ABTB3: variants seen among roughly 807,000 people sequenced by gnomAD.
ABTB3 encodes ankyrin repeat and BTB domain containing 3.
At chr12:107,403,961 G>A in the ABTB3 span, among the ~76,000 whole-genome samples, 2 of 151,942 alleles carry the variant, frequency 1.3e-5, no homozygotes, top group East Asian at 1.9e-4. Flanking sequence ...TCAGGAGTTC[G>A]AGACCAGCCT....
At chr12:107,525,942 A>G in the ABTB3 span, among the ~76,000 whole-genome samples, 2 of 152,188 alleles carry the variant, frequency 1.3e-5, no homozygotes, top group Admixed American at 6.5e-5. Flanking sequence ...GCCCAAGGCC[A>G]CTCAGCTAGT....
chr12:107,318,775 A>C, the ABTB3 span: 1 of 735,304 alleles, frequency 1.4e-6, no homozygotes, highest in Non-Finnish European at 2.2e-6. Context: ...CAGCGGCGGC[A>C]GTTCCGGGAG....
At chr12:107,635,477 G>C in the ABTB3 span, 1 of 1,318,472 alleles carries the variant, frequency 7.6e-7, no homozygotes. Flanking sequence ...ATGCCAGGAG[G>C]GAGGGGGTTC....
chr12:107,361,442 G>A, the ABTB3 span, among the ~76,000 whole-genome samples: 1 of 152,156 alleles, frequency 6.6e-6, no homozygotes, highest in African/African-American at 2.4e-5. Flanking sequence ...TGTAATACTG[G>A]ACATTTAGTT....
chr12:107,644,146 C>T, the ABTB3 span, among the ~76,000 whole-genome samples: 2 of 152,152 alleles, frequency 1.3e-5, no homozygotes, highest in African/African-American at 4.8e-5. Context: ...TTCTAGTTAG[C>T]GATAGAGCCA....
the ABTB3 span, among the ~76,000 whole-genome samples, chr12:107,637,836 T>G: frequency 7.2e-6 from 1 of 139,476 alleles, no homozygotes; most frequent in African/African-American, 2.9e-5. Context: ...GTGTGTGTGG[T>G]ATGGTGTCCT....
chr12:107,478,642 T>G, the ABTB3 span, among the ~76,000 whole-genome samples: 5 of 152,198 alleles, frequency 3.3e-5, no homozygotes, highest in African/African-American at 4.8e-5. Flanking sequence ...CAGAAAGGAC[T>G]GGATCTTAGG....
the ABTB3 span, among the ~76,000 whole-genome samples, chr12:107,426,712 A>C: frequency 1.3e-5 from 2 of 152,242 alleles, no homozygotes; most frequent in Non-Finnish European, 2.9e-5. Flanking sequence ...GACACCAGCC[A>C]GCAAATGTCC....
At chr12:107,442,250 CT>C in the ABTB3 span, among the ~76,000 whole-genome samples, 9 of 152,078 alleles carry the variant, frequency 5.9e-5, no homozygotes, top group African/African-American at 1.7e-4. Context: ...TACTTTGGAT[CT>C]TTTTTTCAAT....
At chr12:107,521,451 C>T in the ABTB3 span, among the ~76,000 whole-genome samples, 6 of 152,200 alleles carry the variant, frequency 3.9e-5, no homozygotes, top group East Asian at 1.2e-3. Flanking sequence ...ACAAATGATT[C>T]CATTTTAATT....
chr12:107,630,872 A>T, the ABTB3 span, among the ~76,000 whole-genome samples: 1 of 152,252 alleles, frequency 6.6e-6, no homozygotes. Flanking sequence ...TACATTTGTT[A>T]TAATTAATGA....
chr12:107,323,904 A>T, the ABTB3 span, among the ~76,000 whole-genome samples: 1 of 152,168 alleles, frequency 6.6e-6, no homozygotes, highest in Admixed American at 6.5e-5. Context: ...TTAGGCATTT[A>T]AAATTTGCCT....
At chr12:107,539,842 A>T in the ABTB3 span, among the ~76,000 whole-genome samples, 1 of 152,264 alleles carries the variant, frequency 6.6e-6, no homozygotes, top group East Asian at 1.9e-4. Flanking sequence ...TGGAGCTGAG[A>T]TTTGAACTCT....
At chr12:107,375,806 C>T in the ABTB3 span, among the ~76,000 whole-genome samples, 1 of 152,146 alleles carries the variant, frequency 6.6e-6, no homozygotes, top group Non-Finnish European at 1.5e-5. Context: ...CTCTTCCTGC[C>T]CTAGGAATCC....
At chr12:107,359,249 G>A in the ABTB3 span, among the ~76,000 whole-genome samples, 1 of 152,364 alleles carries the variant, frequency 6.6e-6, no homozygotes, top group East Asian at 1.9e-4. Context: ...ATCATTGACT[G>A]TCAGGGTGGA....
At chr12:107,428,514 C>A in the ABTB3 span, among the ~76,000 whole-genome samples, 59 of 152,304 alleles carry the variant, frequency 3.9e-4, no homozygotes, top group African/African-American at 1.3e-3. Flanking sequence ...GCATCCGCAC[C>A]CTCACCTCCT....
chr12:107,643,770 T>TTG, the ABTB3 span, among the ~76,000 whole-genome samples: 69 of 140,294 alleles, frequency 4.9e-4, no homozygotes, highest in African/African-American at 8.8e-4. Context: ...TTTTTTTTTT[T>TTG]GTTGAGAGAG....
the ABTB3 span, among the ~76,000 whole-genome samples, chr12:107,329,170 G>T: frequency 6.6e-6 from 1 of 152,224 alleles, no homozygotes; most frequent in Non-Finnish European, 1.5e-5. Flanking sequence ...ACATACAGGA[G>T]AATTGATTCC....
At chr12:107,548,021 T>TA in the ABTB3 span, among the ~76,000 whole-genome samples, 3 of 152,234 alleles carry the variant, frequency 2.0e-5, no homozygotes, top group African/African-American at 7.2e-5. Flanking sequence ...GGAACAGGTT[T>TA]TAGTGTTTAG....
Sources: allele counts gnomAD v4.1 joint callset (sites outside exome capture counted in the v4.1 genomes callset), GRCh38; gene constraint gnomAD v4.1.1; transcripts MANE v1.5; gene names NCBI Gene and HGNC (gene_info 2026-07-23, HGNC 2026-07-21).